The following CNTNAP5 variants were observed in gnomAD, a reference collection of about 807,000 sequenced individuals.
The protein encoded by CNTNAP5 is contactin-associated protein-like 5.
A neutral mutation model predicts 150.2 loss-of-function variants in CNTNAP5; 72 were observed. The ratio of observed to expected loss-of-function variants is 0.48; its 90% CI spans 0.40 to 0.58. The LOEUF (loss-of-function observed/expected upper bound fraction) is 0.58. CNTNAP5 is among the 20% of genes least tolerant of loss of function. The pLI is 0.00. For missense variants in CNTNAP5, 1,636 were observed against 1,626.2 expected (o/e 1.01, Z -0.10); for synonymous variants, 672 against 619.8 (o/e 1.08, Z -1.25).
intron 1 of CNTNAP5, among the ~76,000 whole-genome samples, chr2:124,181,060 T>C (rs937531401): frequency 2.0e-5 from 3 of 152,082 alleles, no homozygotes; most frequent in African/African-American, 7.2e-5. Flanking sequence ...TTCTAGCCAG[T>C]CAACTCATTT....
intron 3 of CNTNAP5, among the ~76,000 whole-genome samples, chr2:124,300,329 T>A (rs962568206): frequency 2.0e-5 from 3 of 152,134 alleles, no homozygotes; most frequent in African/African-American, 7.2e-5. Context: ...AGACACATAA[T>A]CACAAGGAAG....
chr2:124,773,283 G>A lies in CNTNAP5; in HGVS notation c.2752+266G>A, dbSNP rs191774390. 1.2e-3 allele frequency among the ~76,000 whole-genome samples: 182 copies of A among 152,178 alleles called. 1 individual carries two copies. Among genetic ancestry groups the A allele is most frequent in the African/African-American group, 3.7e-3 (153 of 41,526 alleles). On this transcript the variant is annotated intron_variant, in intron 17 of 23. Transcript: ENST00000682447. ...TTGTAATATTGTCTTCAGATGCCCA[G>A]GGACCCCTTTTGTTCTACATCATTG...
At chr2:124,159,485 T>C (rs1462406701) in intron 1 of CNTNAP5, among the ~76,000 whole-genome samples, 5 of 152,166 alleles carry the variant, frequency 3.3e-5, no homozygotes, top group Non-Finnish European at 7.4e-5. Context: ...GGCCTGTGGG[T>C]CATAGCTTGC....
At chr2:124,569,877 C>A (rs1373655955) in intron 11 of CNTNAP5, among the ~76,000 whole-genome samples, 1 of 152,180 alleles carries the variant, frequency 6.6e-6, no homozygotes, top group African/African-American at 2.4e-5. Flanking sequence ...ACAACACTTG[C>A]TTTAACAGTA....
intron 21 of CNTNAP5, among the ~76,000 whole-genome samples, chr2:124,887,293 A>G (rs1375135214): frequency 5.9e-5 from 9 of 151,958 alleles, no homozygotes; most frequent in East Asian, 1.9e-4. Flanking sequence ...TGCTTTGTCT[A>G]TGCTTCTATG....
intron 1 of CNTNAP5, among the ~76,000 whole-genome samples, chr2:124,047,962 C>T (rs1681584344): frequency 6.6e-6 from 1 of 152,178 alleles, no homozygotes; most frequent in Non-Finnish European, 1.5e-5. Context: ...CATACACACA[C>T]TCAGGCACAT....
intron 1 of CNTNAP5, among the ~76,000 whole-genome samples, chr2:124,177,915 C>T (rs1489409212): frequency 2.7e-5 from 4 of 150,592 alleles, no homozygotes; most frequent in Non-Finnish European, 5.9e-5. Flanking sequence ...GGCATGGTCT[C>T]GTCTCACTGC....
chr2:124,578,723 A>G (rs971087578), intron 11 of CNTNAP5, among the ~76,000 whole-genome samples: 14 of 152,166 alleles, frequency 9.2e-5, no homozygotes, highest in African/African-American at 3.4e-4. Context: ...CAGTGAGCTA[A>G]GATCACACCA....
chr2:124,498,958 A>C (rs938482709), intron 7 of CNTNAP5, among the ~76,000 whole-genome samples: 5 of 152,130 alleles, frequency 3.3e-5, no homozygotes, highest in Admixed American at 1.3e-4. Flanking sequence ...CAGGTTACAA[A>C]AAAGAAACCT....
chr2:124,538,069 A>C (rs982783190), intron 10 of CNTNAP5, among the ~76,000 whole-genome samples: 1 of 152,194 alleles, frequency 6.6e-6, no homozygotes, highest in Non-Finnish European at 1.5e-5. Context: ...CGAGGAGTTC[A>C]TTTCAAGTGC....
intron 14 of CNTNAP5, among the ~76,000 whole-genome samples, chr2:124,752,285 G>A (rs1389088762): frequency 6.6e-6 from 1 of 152,042 alleles, no homozygotes. Flanking sequence ...GAACTCCTGG[G>A]TTCAAGCAAT....
chr2:124,088,223 C>T (rs1220534543), intron 1 of CNTNAP5, among the ~76,000 whole-genome samples: 2 of 152,136 alleles, frequency 1.3e-5, no homozygotes, highest in African/African-American at 4.8e-5. Flanking sequence ...TTAAGACTAT[C>T]AAGCCTGTCC....
At chr2:124,080,529 G>C (rs532140887) in intron 1 of CNTNAP5, among the ~76,000 whole-genome samples, 51 of 152,144 alleles carry the variant, frequency 3.4e-4, no homozygotes, top group African/African-American at 1.2e-3. Context: ...ATGTAATCTA[G>C]AGTAGTCATT....
intron 19 of CNTNAP5, among the ~76,000 whole-genome samples, chr2:124,811,975 TATATAAAATTTATATTTATATATTATATA>T (rs1558785445): frequency 1.8e-5 from 2 of 110,940 alleles, no homozygotes; most frequent in African/African-American, 6.8e-5. Flanking sequence ...TTTTATAATA[TATATAAAATTTATATTTATATATTATATA>T]ATATATAATT....
chr2:124,364,135 C>A (rs1397485488), intron 3 of CNTNAP5, among the ~76,000 whole-genome samples: 1 of 152,162 alleles, frequency 6.6e-6, no homozygotes, highest in Non-Finnish European at 1.5e-5. Flanking sequence ...ATACAGGATG[C>A]ATGAAACTTC....
At chr2:124,111,839 G>C (rs759283712) in intron 1 of CNTNAP5, among the ~76,000 whole-genome samples, 18 of 152,082 alleles carry the variant, frequency 1.2e-4, no homozygotes, top group Non-Finnish European at 2.2e-4. Context: ...AAAGCTTTGT[G>C]TCACTACACT....
intron 3 of CNTNAP5, among the ~76,000 whole-genome samples, chr2:124,255,867 A>T (rs761506598): frequency 7.9e-5 from 12 of 152,180 alleles, no homozygotes; most frequent in Non-Finnish European, 1.5e-4. Context: ...GCCCAGGCAC[A>T]TAGTAGGTAC....
In CNTNAP5 at chr2:124,911,491, G is replaced by T; in HGVS notation, c.3680G>T (p.Arg1227Leu). Reference protein sequence around the residue: ...SSDPFGKTDEREPLTNAVRSD... With the variant: ...SSDPFGKTDELEPLTNAVRSD... ...GATCCTTTTGGGAAGACAGATGAGC[G>T]GGAACCACTCACAAATGCTGTTCGA... The change falls in exon 23 of 24, where the codon CGG becomes CTG. Residue 1227 changes from arginine to leucine, a missense_variant. By Grantham distance (102) the Arg-to-Leu change is moderately radical (BLOSUM62 -2). Coordinates refer to ENST00000682447, the MANE Select transcript of CNTNAP5 (RefSeq NM_001367498.1). 1 of 1,601,596 alleles carries T rather than the reference G, an allele frequency of 6.2e-7. No homozygotes were observed. Among genetic ancestry groups the T allele is most frequent in the East Asian group, 2.3e-5 (1 of 44,312 alleles).
intron 8 of CNTNAP5, among the ~76,000 whole-genome samples, chr2:124,521,518 A>G (rs570710604): frequency 2.8e-4 from 43 of 152,288 alleles, no homozygotes; most frequent in African/African-American, 1.0e-3. Context: ...ACTCCCATTG[A>G]GCAGACCTCT....
Sources: allele counts gnomAD v4.1 joint callset (sites outside exome capture counted in the v4.1 genomes callset), GRCh38; gene constraint gnomAD v4.1.1; transcripts MANE v1.5; gene names NCBI Gene and HGNC (gene_info 2026-07-23, HGNC 2026-07-21).